The following C3orf85 variants were observed in gnomAD, a reference collection of about 807,000 sequenced individuals.
C3orf85 encodes the protein chromosome 3 open reading frame 85.
C3orf85 carries 1 observed loss-of-function variant against 1.7 expected under a neutral mutation model. That is an observed-to-expected ratio of 0.60 (90% CI 0.21 to 2.86). The LOEUF is 2.86. Among genes scored for constraint, C3orf85 ranks in the 30% most tolerant of loss-of-function variants. C3orf85 has a pLI of 0.22. For synonymous variants in C3orf85, 17 were observed against 8.0 expected (o/e 2.13, Z -1.90); for missense variants, 29 against 21.3 (o/e 1.36, Z -0.72).
chr3:109,139,745 C>G (rs1706723314), intron 2 of C3orf85, among the ~76,000 whole-genome samples: 1 of 152,180 alleles, frequency 6.6e-6, no homozygotes, highest in Admixed American at 6.5e-5. Flanking sequence ...ATATTGTTGA[C>G]CTGCGATCAG....
At chr3:109,144,709 A>C (rs1706778081) in intron 2 of C3orf85, among the ~76,000 whole-genome samples, 3 of 152,220 alleles carry the variant, frequency 2.0e-5, no homozygotes, top group Admixed American at 2.0e-4. Flanking sequence ...ATGGTACAGA[A>C]TTCTGGTTTT....
chr3:109,142,932 C>T (rs1317263104), intron 2 of C3orf85, among the ~76,000 whole-genome samples: 1 of 152,156 alleles, frequency 6.6e-6, no homozygotes, highest in Non-Finnish European at 1.5e-5. Context: ...ACATAAAGGG[C>T]CTGATGACTG....
Position 109,146,662 on chromosome 3 carries a change from C to T in C3orf85, c.50-1591C>T, listed in dbSNP as rs540255754. Among the ~76,000 whole-genome samples, 26 of 152,252 alleles carry T rather than the reference C, an allele frequency of 1.7e-4. No individual in the cohort carries two copies. In the South Asian group the frequency reaches 3.7e-3, roughly 22 times the overall value. On this transcript the variant is annotated intron_variant, in intron 2 of 3. Coordinates refer to ENST00000622536, the MANE Select transcript of C3orf85 (RefSeq NM_001351622.2). ...CCTCAGGGCTGCTTGAGCGCCCTCA[C>T]GACATGGCAGCTGACTTTTCTTAGA...
chr3:109,138,225 G>A (rs1338746699), intron 2 of C3orf85, among the ~76,000 whole-genome samples: 1 of 152,118 alleles, frequency 6.6e-6, no homozygotes, highest in Non-Finnish European at 1.5e-5. Flanking sequence ...AAATAATAAA[G>A]TTATCTAGTT....
Position 109,150,130 on chromosome 3 carries a change from T to C in C3orf85, c.*236T>C, listed in dbSNP as rs1346724267. On this transcript the variant is annotated 3_prime_UTR_variant, in exon 4 of 4. Transcript: ENST00000622536. Reference sequence around the variant, plus strand: ...AAAAAGAACTAAAAAAAAAAAAGGCTGTAGTAATAACATTTACCAAAACGA... The same window carrying C: ...AAAAAGAACTAAAAAAAAAAAAGGCCGTAGTAATAACATTTACCAAAACGA... 3.9e-6 allele frequency: 1 copy of C among 256,932 alleles called. No individual in the cohort carries two copies. The highest frequency in any genetic ancestry group is 1.7e-4 in the South Asian group (1 of 5,746). 15.9% of individuals were successfully genotyped at this position (256,932 alleles called of 1,614,324 possible).
At chr3:109,149,622 T>C in intron 3 of C3orf85, 183 bp from the exon 4 acceptor site, 1 of 361,086 alleles carries the variant, frequency 2.8e-6, no homozygotes. Context: ...ACAAATACTG[T>C]AAAATATCTG....
At chr3:109,138,113 G>A (rs1706701287) in intron 2 of C3orf85, among the ~76,000 whole-genome samples, 1 of 152,082 alleles carries the variant, frequency 6.6e-6, no homozygotes, top group Admixed American at 6.6e-5. Flanking sequence ...AGGCTTCAAA[G>A]ACTTTCTTAA....
At chr3:109,144,605 A>T (rs1054397458) in intron 2 of C3orf85, among the ~76,000 whole-genome samples, 1 of 152,218 alleles carries the variant, frequency 6.6e-6, no homozygotes, top group Admixed American at 6.5e-5. Flanking sequence ...AGAGCATAAA[A>T]TAGCTATTGT....
chr3:109,140,697 G>A (rs1478065360), intron 2 of C3orf85, among the ~76,000 whole-genome samples: 1 of 152,168 alleles, frequency 6.6e-6, no homozygotes, highest in African/African-American at 2.4e-5. Context: ...CATGAATTAT[G>A]AATTTCCATG....
intron 2 of C3orf85, among the ~76,000 whole-genome samples, chr3:109,139,181 A>G (rs925458814): frequency 6.6e-6 from 1 of 152,264 alleles, no homozygotes; most frequent in East Asian, 1.9e-4. Context: ...TCTACCACTT[A>G]TGAGAACAAA....
intron 2 of C3orf85, among the ~76,000 whole-genome samples, chr3:109,137,132 T>C (rs1236487439): frequency 1.3e-5 from 2 of 152,026 alleles, no homozygotes; most frequent in East Asian, 3.9e-4. Context: ...AACATGATAC[T>C]GTTGCTAAGA....
intron 2 of C3orf85, among the ~76,000 whole-genome samples, chr3:109,147,974 G>A (rs936065306): frequency 6.6e-6 from 1 of 152,112 alleles, no homozygotes; most frequent in Non-Finnish European, 1.5e-5. Context: ...TCCAGGTGTG[G>A]AGGCCCCCAT....
chr3:109,139,415 G>A (rs1706715406), intron 2 of C3orf85, among the ~76,000 whole-genome samples: 1 of 152,158 alleles, frequency 6.6e-6, no homozygotes, highest in African/African-American at 2.4e-5. Flanking sequence ...ACAGTTCCTA[G>A]TTGTACTAAT....
intron 2 of C3orf85, 36 bp from the exon 3 acceptor site, chr3:109,148,217 C>T (rs972259247): frequency 1.4e-6 from 1 of 690,860 alleles, no homozygotes; most frequent in African/African-American, 1.8e-5. Flanking sequence ...AACTATTGCT[C>T]TAAAAGATGC....
chr3:109,146,253 G>A (rs925324560), intron 2 of C3orf85: 1 of 152,170 alleles, frequency 6.6e-6, no homozygotes, highest in African/African-American at 2.4e-5. Flanking sequence ...TACAAAATTT[G>A]TATGACCCTG....
At chr3:109,147,912 T>C (rs1447855536) in intron 2 of C3orf85, among the ~76,000 whole-genome samples, 4 of 152,148 alleles carry the variant, frequency 2.6e-5, no homozygotes, top group Non-Finnish European at 5.9e-5. Flanking sequence ...AAAACTAAAG[T>C]GCGAAGAAAT....
intron 2 of C3orf85, among the ~76,000 whole-genome samples, chr3:109,144,532 T>C (rs1706774681): frequency 6.6e-6 from 1 of 152,176 alleles, no homozygotes; most frequent in Non-Finnish European, 1.5e-5. Context: ...GAGAAGGAGA[T>C]TGTATCGGTA....
At chr3:109,136,926 T>C (rs949442693) in intron 2 of C3orf85, 30 bp downstream of exon 2, 4 of 406,812 alleles carry the variant, frequency 9.8e-6, no homozygotes, top group Non-Finnish European at 1.7e-5. Flanking sequence ...TTATTTATCA[T>C]GTCTCCTACA....
In C3orf85 at chr3:109,150,752, A is replaced by G. The variant is rs1706860213; in HGVS notation, c.*858A>G. Among the ~76,000 whole-genome samples the G allele has an allele frequency of 6.6e-6, 1 of 152,194 alleles. No homozygotes were observed. Among genetic ancestry groups the G allele is most frequent in the Non-Finnish European group, 1.5e-5 (1 of 68,032 alleles). ...GATTGCCCCCCAAAATCACAGGTAA[A>G]TGGAATTTTTGTCTTCAGAAGTCTA... On this transcript the variant is annotated 3_prime_UTR_variant, in exon 4 of 4. Transcript: ENST00000622536.
Sources: gnomAD v4.1 joint callset for allele counts (sites outside exome capture counted in the v4.1 genomes callset) on GRCh38, gnomAD v4.1.1 for gene constraint, MANE v1.5 for transcripts, NCBI Gene and HGNC (gene_info 2026-07-23, HGNC 2026-07-21) for gene names.